ADAM8: variants seen among roughly 807,000 people sequenced by gnomAD.
The protein encoded by ADAM8 is disintegrin and metalloproteinase domain-containing protein 8.
ADAM8 carries 104 observed loss-of-function variants against 102.4 expected under a neutral mutation model. The ratio of observed to expected loss-of-function variants is 1.02; its 90% CI spans 0.87 to 1.20. ADAM8 has a LOEUF of 1.20. Ranked by LOEUF, ADAM8 falls within the 50% of genes most tolerant of loss-of-function variation. ADAM8 has a pLI of 0.00. For synonymous variants in ADAM8, 517 were observed against 485.2 expected, an observed-to-expected ratio of 1.07 and a Z score of -0.86; for missense variants, 1,132 against 1,159.0, an observed-to-expected ratio of 0.98 and a Z score of 0.34.
chr10:133,272,867 C>T lies in ADAM8; in HGVS notation c.637-1G>A. ...CTGCTTCGCTCCCCAGCATCTGGAA[C>T]TGGGGACACGAGACCCTCAGGCTGG... is the stretch of plus-strand genomic sequence containing the variant. On this transcript the variant is annotated splice_acceptor_variant, in intron 7 of 22. Coordinates refer to ENST00000445355, the MANE Select transcript of ADAM8 (RefSeq NM_001109.5). LOFTEE classifies it high-confidence loss of function. 6.2e-7 allele frequency: 1 copy of T among 1,611,484 alleles called. No homozygotes were observed. The highest frequency in any genetic ancestry group is 8.5e-7 in the Non-Finnish European group (1 of 1,178,904).
chr10:133,263,318 T>C (rs963397467), intron 22 of ADAM8, 85 bp from the exon 23 acceptor site: 2 of 1,281,062 alleles, frequency 1.6e-6, no homozygotes, highest in Non-Finnish European at 2.1e-6. Context: ...TTACGTCCTT[T>C]AACATCTCTT....
At chr10:133,275,932 C>A (rs1425639035) in intron 1 of ADAM8, 4 of 249,506 alleles carry the variant, frequency 1.6e-5, no homozygotes, top group South Asian at 1.3e-4. Flanking sequence ...GAGGAGGACT[C>A]GGGCCGCCGA....
chr10:133,273,895 C>T (rs765626551), intron 4 of ADAM8, 56 bp downstream of exon 4: 62 of 1,553,430 alleles, frequency 4.0e-5, no homozygotes, highest in East Asian at 4.8e-5. Flanking sequence ...CCCACAGGCT[C>T]GGGGAGGGCC....
chr10:133,265,305 C>G (rs879688326), intron 21 of ADAM8, among the ~76,000 whole-genome samples: 1 of 146,226 alleles, frequency 6.8e-6, no homozygotes, highest in Non-Finnish European at 1.5e-5. Flanking sequence ...CCACCACGCC[C>G]GGCTCCTGCT....
In ADAM8 at chr10:133,269,942, G is replaced by T. The variant is rs772457052; in HGVS notation, c.1818C>A (p.His606Gln). 1.2e-5 allele frequency: 19 copies of T among 1,612,760 alleles called. No homozygotes were observed. The East Asian group carries it at 4.2e-4, about 36-fold the overall frequency. ...CAGAGCAGTTGCTGGATCTGTAAAC[G>T]TGTAAGTCCTGGCAACGTCCTTTCC... ...VCWKGRCQDL[H>Q]VYRSSNCSAQ... Residue 606 changes from histidine (H) to glutamine (Q), a missense_variant, in exon 17 of 23, where the codon CAC becomes CAA. By Grantham distance (24) the His-to-Gln change is conservative. Transcript: ENST00000445355.
chr10:133,272,918 C>T, intron 7 of ADAM8, 39 bp downstream of exon 7: 1 of 1,612,130 alleles, frequency 6.2e-7, no homozygotes, highest in Non-Finnish European at 8.5e-7. Context: ...CATGCCCCCG[C>T]CGCCGGCTGC....
Position 133,273,809 on chromosome 10 carries a change from C to G in ADAM8, c.336G>C (p.Glu112Asp), listed in dbSNP as rs978928170. ...GGCTGGCGGCTGAGTCCGGGTACCC[C>G]TCTACGTGGCCCTGGTAGAAGCAGT... ...QDHCFYQGHV[E>D]GYPDSAASLS... The change falls in exon 5 of 23, where the codon GAG becomes GAC. Residue 112 changes from glutamate (E) to aspartate (D), a missense_variant. By Grantham distance (45) the Glu-to-Asp change is conservative. Coordinates refer to ENST00000445355, the MANE Select transcript of ADAM8 (RefSeq NM_001109.5). 86 of 1,549,198 alleles carry G rather than the reference C, an allele frequency of 5.6e-5. No homozygotes were observed. Among genetic ancestry groups the G allele is most frequent in the Admixed American group, 1.4e-4 (7 of 50,984 alleles).
chr10:133,274,321 G>C (rs1056946115), intron 2 of ADAM8, 86 bp from the exon 3 acceptor site: 20 of 1,297,648 alleles, frequency 1.5e-5, no homozygotes, highest in Admixed American at 5.6e-5. Flanking sequence ...GCTCAGCTGG[G>C]GGGGAAGGGG....
Position 133,263,293 on chromosome 10 carries a change from G to A in ADAM8, c.2398-60C>T, listed in dbSNP as rs138844917. The A allele has an allele frequency of 1.7e-4, 244 of 1,467,024 alleles. 1 individual carries two copies. The East Asian group carries it at 5.6e-3, about 34-fold the overall frequency. 90.9% of individuals were successfully genotyped at this position (1,467,024 alleles called of 1,614,324 possible). Reference sequence around the variant, plus strand: ...CTACCTGCTATAAAAGGTATATAAAGGGTACAACGAAATTTTACGTCCTTT... The same window carrying A: ...CTACCTGCTATAAAAGGTATATAAAAGGTACAACGAAATTTTACGTCCTTT... On this transcript the variant is annotated intron_variant, in intron 22 of 22. Transcript: ENST00000445355.
In ADAM8 at chr10:133,274,158, C is replaced by T. The variant is rs761273090; in HGVS notation, c.227+1G>A. ...GGGGGGCCGACCCGAGACCCACTCACCTGTTCTTCCGCAGGTGGAGGGTGA... is the reference window on the plus strand; with the variant it reads ...GGGGGGCCGACCCGAGACCCACTCATCTGTTCTTCCGCAGGTGGAGGGTGA... On this transcript the variant is annotated splice_donor_variant, in intron 3 of 22. Coordinates refer to ENST00000445355, the MANE Select transcript of ADAM8 (RefSeq NM_001109.5). LOFTEE classifies it high-confidence loss of function. 9.5e-6 allele frequency: 15 copies of T among 1,585,640 alleles called. No homozygotes were observed. In the Admixed American group the frequency reaches 2.3e-4, roughly 24 times the overall value.
intron 16 of ADAM8, 80 bp from the exon 17 acceptor site, chr10:133,270,054 G>A: frequency 6.7e-7 from 1 of 1,503,194 alleles, no homozygotes; most frequent in Non-Finnish European, 9.2e-7. Flanking sequence ...ATGGTAAGCT[G>A]GGGGTGGGCT....
intron 3 of ADAM8, 38 bp downstream of exon 3, chr10:133,274,121 C>T (rs1310396096): frequency 1.3e-6 from 2 of 1,581,574 alleles, no homozygotes; most frequent in African/African-American, 2.7e-5. Flanking sequence ...GTGCTGGAGC[C>T]AGGCCCGGGC....
chr10:133,274,552 C>T (rs1282710790), intron 2 of ADAM8, among the ~76,000 whole-genome samples: 4 of 151,178 alleles, frequency 2.6e-5, no homozygotes, highest in South Asian at 4.2e-4. Flanking sequence ...TGAAGGCGAC[C>T]GGCGGAGCCC....
chr10:133,273,814 C>T lies in ADAM8; in HGVS notation c.331G>A (p.Val111Ile), dbSNP rs1468400617. 3.2e-6 allele frequency: 5 copies of T among 1,549,298 alleles called. No individual in the cohort carries two copies. Among genetic ancestry groups the T allele is most frequent in the South Asian group, 1.2e-5 (1 of 84,042 alleles). ...GCGGCTGAGTCCGGGTACCCCTCTACGTGGCCCTGGTAGAAGCAGTGGTCC... is the reference window on the plus strand; with the variant it reads ...GCGGCTGAGTCCGGGTACCCCTCTATGTGGCCCTGGTAGAAGCAGTGGTCC... ...GQDHCFYQGHVEGYPDSAASL... is the reference protein window; with the variant it reads ...GQDHCFYQGHIEGYPDSAASL... Residue 111 changes from valine (V) to isoleucine (I), a missense_variant, in exon 5 of 23, where the codon GTA (valine) becomes ATA (isoleucine). By Grantham distance (29) the Val-to-Ile change is conservative. Coordinates refer to ENST00000445355, the MANE Select transcript of ADAM8 (RefSeq NM_001109.5).
intron 21 of ADAM8, among the ~76,000 whole-genome samples, chr10:133,265,776 C>T (rs1037121193): frequency 2.0e-5 from 3 of 150,596 alleles, no homozygotes; most frequent in Non-Finnish European, 2.9e-5. Flanking sequence ...CCAGCCTGGG[C>T]GACAGAACGA....
chr10:133,271,367 G>A (rs1462336270), intron 12 of ADAM8, 78 bp from the exon 13 acceptor site: 2 of 1,521,846 alleles, frequency 1.3e-6, no homozygotes, highest in Non-Finnish European at 1.8e-6. Flanking sequence ...CGCCTCCCCT[G>A]ACCACTGGGG....
At chr10:133,276,466 C>T (rs1846756351) in intron 1 of ADAM8, among the ~76,000 whole-genome samples, 1 of 152,246 alleles carries the variant, frequency 6.6e-6, no homozygotes, top group Non-Finnish European at 1.5e-5. Flanking sequence ...GAACCCAGGG[C>T]GCCTCGCGCA....
At position 133,272,057 on chromosome 10, in the gene ADAM8, C is replaced by T. The variant is rs562013953; in HGVS notation, c.958-103G>A. The T allele has an allele frequency of 1.0e-4, 155 of 1,547,484 alleles. 1 individual carries two copies. The African/African-American group carries it at 1.6e-3, about 16-fold the overall frequency. ...GACTTGGCACAGCTTCCCGCCAACACCACCTTAAAACATAAAATCAGGCAT... is the reference window on the plus strand; with the variant it reads ...GACTTGGCACAGCTTCCCGCCAACATCACCTTAAAACATAAAATCAGGCAT... On this transcript the variant is annotated intron_variant, in intron 10 of 22. Transcript: ENST00000445355.
intron 2 of ADAM8, 131 bp downstream of exon 2, chr10:133,275,353 G>T (rs1401350566): frequency 6.1e-6 from 4 of 652,888 alleles, no homozygotes; most frequent in Non-Finnish European, 1.0e-5. Context: ...TGGGCCCCAG[G>T]GGGCTAGAGC....
Sources: allele counts gnomAD v4.1 joint callset (sites outside exome capture counted in the v4.1 genomes callset), GRCh38; gene constraint gnomAD v4.1.1; transcripts MANE v1.5; gene names NCBI Gene and HGNC (gene_info 2026-07-23, HGNC 2026-07-21).